NCOR1: variants seen among roughly 807,000 people sequenced by gnomAD.
NCOR1 encodes protein phosphatase 1, regulatory subunit 109.
Under a neutral mutation model 288.1 loss-of-function variants are expected in NCOR1, and 63 were observed. The ratio of observed to expected loss-of-function variants is 0.22; its 90% CI spans 0.18 to 0.27. NCOR1 has a LOEUF of 0.27. Among genes scored for constraint, NCOR1 ranks in the 10% least tolerant of loss-of-function variants. The pLI, the probability that NCOR1 is intolerant of heterozygous loss-of-function variation, is 1.00. For synonymous variants in NCOR1, 1,007 were observed against 1,065.9 expected (o/e 0.94, Z 1.08); for missense variants, 2,397 against 3,019.2 (o/e 0.79, Z 4.83).
At chr17:16,058,647 T>C in intron 37 of NCOR1, 48 bp from the exon 38 acceptor site, 2 of 1,554,128 alleles carry the variant, frequency 1.3e-6, no homozygotes, top group Non-Finnish European at 1.8e-6. Context: ...AGGAAAAGTT[T>C]CTGAAGTCTA....
intron 45 of NCOR1, 85 bp downstream of exon 45, chr17:16,034,680 G>T: frequency 8.3e-7 from 1 of 1,205,316 alleles, no homozygotes; most frequent in South Asian, 1.5e-5. Flanking sequence ...CAAATTAGAA[G>T]AGTTGCTGAA....
At chr17:16,092,520 G>A (rs900798096) in intron 21 of NCOR1, among the ~76,000 whole-genome samples, 1 of 150,960 alleles carries the variant, frequency 6.6e-6, no homozygotes, top group Non-Finnish European at 1.5e-5. Flanking sequence ...AATCACACAA[G>A]CTGTAATAAC....
chr17:16,096,067 CAG>C (rs939188590), intron 21 of NCOR1, among the ~76,000 whole-genome samples: 1 of 152,116 alleles, frequency 6.6e-6, no homozygotes, highest in African/African-American at 2.4e-5. Context: ...TGTGTCCACT[CAG>C]GGTTAAATGG....
At chr17:16,095,045 G>A (rs2066145260) in intron 21 of NCOR1, among the ~76,000 whole-genome samples, 1 of 150,968 alleles carries the variant, frequency 6.6e-6, no homozygotes, top group Non-Finnish European at 1.5e-5. Flanking sequence ...GATGTGAGGA[G>A]CCCCTCTGCC....
At chr17:16,106,355 C>T (rs1420403733) in intron 19 of NCOR1, among the ~76,000 whole-genome samples, 1 of 151,628 alleles carries the variant, frequency 6.6e-6, no homozygotes, top group East Asian at 1.9e-4. Context: ...TTCCAAGCCA[C>T]AAAAGAGTAG....
intron 21 of NCOR1, among the ~76,000 whole-genome samples, chr17:16,097,387 G>C (rs1278279280): frequency 2.0e-5 from 3 of 152,232 alleles, no homozygotes; most frequent in Admixed American, 1.3e-4. Flanking sequence ...TGCCCAGCAA[G>C]GGCTGGAACT....
chr17:16,057,401 G>A (rs2060060682), intron 40 of NCOR1, 113 bp downstream of exon 40: 1 of 1,031,208 alleles, frequency 9.7e-7, no homozygotes. Context: ...CACTTTCCTG[G>A]GAATAAAGGC....
intron 36 of NCOR1, 66 bp downstream of exon 36, chr17:16,062,039 C>T (rs2060599463): frequency 1.3e-6 from 2 of 1,592,198 alleles, no homozygotes; most frequent in South Asian, 2.3e-5. Flanking sequence ...TAGACTATTG[C>T]AGTCACAAAT....
intron 40 of NCOR1, among the ~76,000 whole-genome samples, chr17:16,056,308 CT>C (rs71299858): frequency 1.0e-3 from 98 of 96,012 alleles, no homozygotes; most frequent in South Asian, 6.3e-3. Context: ...TTCTTTTTAT[CT>C]TTTTTTTTTT....
chr17:16,060,473 T>C (rs1257553855), intron 37 of NCOR1, among the ~76,000 whole-genome samples: 1 of 152,222 alleles, frequency 6.6e-6, no homozygotes, highest in Non-Finnish European at 1.5e-5. Context: ...CTAGCAATTT[T>C]CTGCATGCAG....
chr17:16,195,147 T>C (rs1229330739), intron 1 of NCOR1, among the ~76,000 whole-genome samples: 1 of 152,178 alleles, frequency 6.6e-6, no homozygotes, highest in Non-Finnish European at 1.5e-5. Flanking sequence ...TATTACTCTT[T>C]GCATGCTTCT....
intron 1 of NCOR1, among the ~76,000 whole-genome samples, chr17:16,209,208 A>T (rs375892308): frequency 2.0e-5 from 3 of 152,308 alleles, no homozygotes; most frequent in Middle Eastern, 3.4e-3. Flanking sequence ...GTAATATGTG[A>T]TCAAACCCTT....
At chr17:16,160,880 G>C (rs1032891463) in intron 5 of NCOR1, among the ~76,000 whole-genome samples, 1 of 152,028 alleles carries the variant, frequency 6.6e-6, no homozygotes, top group African/African-American at 2.4e-5. Context: ...AATCTACCAA[G>C]AGGGAGTTTC....
chr17:16,096,497 AT>A (rs1191241378), intron 21 of NCOR1, among the ~76,000 whole-genome samples: 1 of 152,228 alleles, frequency 6.6e-6, no homozygotes, highest in African/African-American at 2.4e-5. Context: ...TCTACAATTT[AT>A]TCTAACTATT....
chr17:16,034,661 A>G, intron 45 of NCOR1, 104 bp downstream of exon 45: 1 of 1,037,212 alleles, frequency 9.6e-7, no homozygotes, highest in South Asian at 1.6e-5. Context: ...AAATGGGAAT[A>G]TAGGTTTCCA....
rs754792931 is a variant in NCOR1 at position 16,108,896 on chromosome 17, C to T, written c.2072G>A (p.Arg691His). Residue 691 changes from arginine (R) to histidine (H), a missense_variant, in exon 19 of 46, where the codon CGT becomes CAT. This residue lies in a region of NCOR1 where 1,872 missense variants were observed against 2,187.8 expected (regional missense o/e 0.86). Transcript: ENST00000268712. Reference protein sequence around the residue: ...QHKQKTSRKPREERDVSQCES... With the variant: ...QHKQKTSRKPHEERDVSQCES... Reference sequence around the variant, plus strand: ...ACATTGAGACACATCTCGCTCTTCACGAGGTTTTCGTGAAGTCTAAAGGAG... The same window carrying T: ...ACATTGAGACACATCTCGCTCTTCATGAGGTTTTCGTGAAGTCTAAAGGAG... 5 of 1,587,334 alleles carry T rather than the reference C, an allele frequency of 3.1e-6. No homozygotes were observed. The highest frequency in any genetic ancestry group is 1.2e-5 in the South Asian group (1 of 85,880).
At chr17:16,091,685 TTAA>T in intron 22 of NCOR1, 175 bp downstream of exon 22, 1 of 1,425,188 alleles carries the variant, frequency 7.0e-7, no homozygotes, top group Non-Finnish European at 9.2e-7. Flanking sequence ...CCTTTAGTAG[TTAA>T]TAATACTAAC....
intron 40 of NCOR1, among the ~76,000 whole-genome samples, chr17:16,056,423 T>TG: frequency 1.3e-5 from 2 of 151,340 alleles, no homozygotes; most frequent in South Asian, 4.2e-4. Context: ...GCGATTCTTC[T>TG]GCCTCAGTGT....
rs2151752148 is a variant in NCOR1 at position 16,032,271 on chromosome 17, C to T, written c.*25G>A. 6.3e-7 allele frequency: 1 copy of T among 1,585,034 alleles called. No individual in the cohort carries two copies. Among genetic ancestry groups the T allele is most frequent in the Non-Finnish European group, 8.5e-7 (1 of 1,169,792 alleles). On this transcript the variant is annotated 3_prime_UTR_variant, in exon 46 of 46. Transcript: ENST00000268712. ...AAAAACTAGAGATCCCTCTCCTGCA[C>T]CCTGTTCCCCTCACTTTGTGCAGTT...
Sources: allele counts gnomAD v4.1 joint callset (sites outside exome capture counted in the v4.1 genomes callset), GRCh38; gene constraint gnomAD v4.1.1; regional missense constraint gnomAD v4.1.1; transcripts MANE v1.5; gene names NCBI Gene and HGNC (gene_info 2026-07-23, HGNC 2026-07-21).